ZDHHC20: variants seen among roughly 807,000 people sequenced by gnomAD.
The protein encoded by ZDHHC20 is zDHHC palmitoyltransferase 20, also known as palmitoyltransferase ZDHHC20.
Under a neutral mutation model 57.8 loss-of-function variants are expected in ZDHHC20, and 43 were observed. That is an observed-to-expected ratio of 0.74 (90% CI 0.58 to 0.96). The LOEUF (loss-of-function observed/expected upper bound fraction) is 0.96. Ranked by LOEUF, ZDHHC20 falls within the 40% of genes least tolerant of loss-of-function variation. The pLI is 0.00. For missense variants in ZDHHC20, 391 were observed against 441.1 expected, an observed-to-expected ratio of 0.89 and a Z score of 1.02; for synonymous variants, 157 against 153.0, an observed-to-expected ratio of 1.03 and a Z score of -0.19.
intron 3 of ZDHHC20, among the ~76,000 whole-genome samples, chr13:21,416,778 G>A (rs1382898278): frequency 2.0e-5 from 3 of 152,152 alleles, no homozygotes; most frequent in Non-Finnish European, 4.4e-5. Context: ...GAAAGCACAA[G>A]GATGTGAAAA....
chr13:21,458,863 C>T lies in ZDHHC20; in HGVS notation c.118+191G>A, dbSNP rs531558110. Among the ~76,000 whole-genome samples, 4 of 152,304 alleles carry T rather than the reference C, an allele frequency of 2.6e-5. No homozygotes were observed. The East Asian group carries it at 7.7e-4, about 30-fold the overall frequency. On this transcript the variant is annotated intron_variant, in intron 1 of 12. Transcript: ENST00000400590. ...GCAAGGCTTCAGGAGCCCCAGGTCG[C>T]CCCAAGGCCGCGCCGCAGGATTGAA...
intron 4 of ZDHHC20, among the ~76,000 whole-genome samples, chr13:21,412,074 G>T (rs1311580458): frequency 6.6e-6 from 1 of 152,232 alleles, no homozygotes; most frequent in Non-Finnish European, 1.5e-5. Context: ...GCGATTGGAT[G>T]CTCTGGGCAG....
At chr13:21,436,163 G>A (rs184540663) in intron 1 of ZDHHC20, among the ~76,000 whole-genome samples, 311 of 152,286 alleles carry the variant, frequency 2.0e-3, no homozygotes, top group African/African-American at 7.0e-3. Context: ...TGGTCTAATA[G>A]AATATTAATT....
At chr13:21,439,939 C>T (rs1002728710) in intron 1 of ZDHHC20, among the ~76,000 whole-genome samples, 3 of 151,680 alleles carry the variant, frequency 2.0e-5, no homozygotes, top group South Asian at 4.2e-4. Context: ...TGGTGGCATG[C>T]GCCTGTAATC....
At chr13:21,449,666 ACAGAGTCTCACTCTGTGGCC>A (rs1884255706) in intron 1 of ZDHHC20, among the ~76,000 whole-genome samples, 1 of 149,722 alleles carries the variant, frequency 6.7e-6, no homozygotes, top group Non-Finnish European at 1.5e-5. Flanking sequence ...TTTTTTGGAG[ACAGAGTCTCACTCTGTGGCC>A]CAGGCTGGAG....
chr13:21,400,405 T>C lies in ZDHHC20; in HGVS notation c.562A>G (p.Thr188Ala), dbSNP rs958900493. The C allele has an allele frequency of 3.1e-6, 5 of 1,602,212 alleles. No homozygotes were observed. The South Asian group carries it at 4.6e-5, about 15-fold the overall frequency. Residue 188 changes from threonine (T) to alanine (A), a missense_variant, in exon 7 of 13, where the codon ACA becomes GCA. Around this residue, in one of 3 missense-constraint regions of ZDHHC20, gnomAD observed 197 missense variants for 220.8 expected, o/e 0.89. Coordinates refer to ENST00000400590, the MANE Select transcript of ZDHHC20 (RefSeq NM_001330059.2). Reference protein sequence around the residue: ...SLLYCLFVAATVLEYFIKFWT... With the variant: ...SLLYCLFVAAAVLEYFIKFWT... ...AATTTTATAAAGTACTCTAAAACTG[T>C]TGCAGCCACGAAAAGGCAATATAAT... is the stretch of plus-strand genomic sequence containing the variant.
intron 1 of ZDHHC20, among the ~76,000 whole-genome samples, chr13:21,439,066 A>G (rs528336919): frequency 6.6e-6 from 1 of 152,354 alleles, no homozygotes; most frequent in South Asian, 2.1e-4. Context: ...AAAAACTTGT[A>G]TGACTTGCTT....
In ZDHHC20 at chr13:21,374,612, T is replaced by A. The variant is rs1871753575; in HGVS notation, c.*2084A>T. On this transcript the variant is annotated 3_prime_UTR_variant, in exon 13 of 13. Transcript: ENST00000400590. The stretch of plus-strand genomic sequence containing the variant: ...AGGAGTTGAAACAAAGGTAGAAGAA[T>A]CCATACTATAATATCCCAAATTATG... The A allele has an allele frequency of 3.6e-6, 1 of 274,602 alleles. No individual in the cohort carries two copies. Among genetic ancestry groups the A allele is most frequent in the Admixed American group, 4.1e-5 (1 of 24,656 alleles). The allele number at this position is 274,602 out of a possible 1,614,324, so 17.0% of individuals were successfully genotyped here.
chr13:21,416,979 T>C (rs1293740895), intron 3 of ZDHHC20, among the ~76,000 whole-genome samples: 2 of 152,210 alleles, frequency 1.3e-5, no homozygotes, highest in Non-Finnish European at 2.9e-5. Context: ...GAAATACCTA[T>C]CAGCTATTCA....
At chr13:21,451,977 A>G (rs1052800047) in intron 1 of ZDHHC20, among the ~76,000 whole-genome samples, 2 of 152,068 alleles carry the variant, frequency 1.3e-5, no homozygotes, top group Non-Finnish European at 2.9e-5. Flanking sequence ...CTGGGCAACA[A>G]GAGTGAAGTT....
intron 3 of ZDHHC20, among the ~76,000 whole-genome samples, chr13:21,418,799 G>A (rs11616252): frequency 0.29 from 44,618 of 151,960 alleles, 6,793 homozygotes; most frequent in Admixed American, 0.33. Flanking sequence ...TCAGCCTCCC[G>A]AGTAGCTGGG....
chr13:21,419,089 T>C (rs1880349008), intron 3 of ZDHHC20, among the ~76,000 whole-genome samples: 1 of 152,218 alleles, frequency 6.6e-6, no homozygotes, highest in Admixed American at 6.5e-5. Context: ...ACATGCTATG[T>C]TTTCAATAGT....
At chr13:21,433,610 C>T (rs891994443) in intron 1 of ZDHHC20, among the ~76,000 whole-genome samples, 12 of 150,668 alleles carry the variant, frequency 8.0e-5, no homozygotes, top group Non-Finnish European at 5.9e-5. Flanking sequence ...GAGCAAGACT[C>T]CATCTGGTGG....
rs116819302 is a variant in ZDHHC20 at position 21,404,215 on chromosome 13, G to A, written c.371-1349C>T. ...ACAGAATACATTTATGACTGGGTGC[G>A]GTGGCTCACTTGGAAATAACCAATC... is the stretch of plus-strand genomic sequence containing the variant. On this transcript the variant is annotated intron_variant, in intron 4 of 12. Coordinates refer to ENST00000400590, the MANE Select transcript of ZDHHC20 (RefSeq NM_001330059.2). 3.9e-3 allele frequency: 1,718 copies of A among 445,600 alleles called. 26 individuals are homozygous for A. The highest frequency in any genetic ancestry group is 0.029 in the African/African-American group (1,415 of 49,404). The allele number at this position is 445,600 out of a possible 1,614,324, so 27.6% of individuals were successfully genotyped here. A position where few individuals can be genotyped will look rare whatever the true frequency, so the allele number is the denominator to read the frequency against.
chr13:21,431,037 A>T (rs1310396283), intron 1 of ZDHHC20, among the ~76,000 whole-genome samples: 1 of 152,214 alleles, frequency 6.6e-6, no homozygotes, highest in Non-Finnish European at 1.5e-5. Context: ...ATCAGTTCAT[A>T]GGCATTTGAG....
intron 1 of ZDHHC20, among the ~76,000 whole-genome samples, chr13:21,439,410 G>A (rs918246862): frequency 6.6e-6 from 1 of 152,124 alleles, no homozygotes; most frequent in African/African-American, 2.4e-5. Flanking sequence ...TGAGGCAGGA[G>A]GATTGCCTGA....
intron 1 of ZDHHC20, among the ~76,000 whole-genome samples, chr13:21,440,587 G>A (rs1463106258): frequency 6.6e-6 from 1 of 151,880 alleles, no homozygotes; most frequent in Non-Finnish European, 1.5e-5. Context: ...CTCCAGCCTG[G>A]GTGACAACAG....
At chr13:21,425,929 T>C (rs1245872649) in intron 1 of ZDHHC20, among the ~76,000 whole-genome samples, 2 of 152,190 alleles carry the variant, frequency 1.3e-5, no homozygotes, top group African/African-American at 4.8e-5. Flanking sequence ...ATTTTAAGTG[T>C]ATCAACATGT....
intron 1 of ZDHHC20, among the ~76,000 whole-genome samples, chr13:21,427,143 TTTTC>T (rs1366972325): frequency 6.6e-6 from 1 of 152,146 alleles, no homozygotes; most frequent in Admixed American, 6.6e-5. Flanking sequence ...ACCATCTCAT[TTTTC>T]TTTTTTTCTT....
Sources: allele counts gnomAD v4.1 joint callset (sites outside exome capture counted in the v4.1 genomes callset), GRCh38; gene constraint gnomAD v4.1.1; regional missense constraint gnomAD v4.1.1; transcripts MANE v1.5; gene names NCBI Gene and HGNC (gene_info 2026-07-23, HGNC 2026-07-21).